DYSF: variants seen among roughly 807,000 people sequenced by gnomAD.
DYSF encodes dystrophy-associated fer-1-like 1.
In DYSF, 212 loss-of-function variants were observed where a neutral mutation model predicts 274.9. The observed-to-expected ratio is 0.77, with a 90% CI of 0.69 to 0.86. The LOEUF is 0.86. DYSF is among the 40% of genes least tolerant of loss of function. DYSF has a pLI of 0.00. For missense variants in DYSF, 2,666 were observed against 2,783.2 expected (o/e 0.96, Z 0.95); for synonymous variants, 1,091 against 1,078.7 (o/e 1.01, Z -0.22).
chr2:71,662,613 CTGTG>C (rs1264185261), intron 45 of DYSF, among the ~76,000 whole-genome samples: 5 of 129,112 alleles, frequency 3.9e-5, no homozygotes, highest in Non-Finnish European at 4.8e-5. Flanking sequence ...CTGTGTGTGT[CTGTG>C]TGTCTGTGTG....
chr2:71,485,924 C>A (rs4266045), intron 3 of DYSF, among the ~76,000 whole-genome samples: 2 of 152,000 alleles, frequency 1.3e-5, no homozygotes, highest in Admixed American at 1.3e-4. Flanking sequence ...AGTGATTCTC[C>A]CATCTCGGCC....
intron 12 of DYSF, among the ~76,000 whole-genome samples, chr2:71,525,610 C>T (rs181992157): frequency 4.6e-5 from 7 of 152,322 alleles, no homozygotes; most frequent in Non-Finnish European, 1.0e-4. Context: ...AGTGCATACA[C>T]ATCAATGCAT....
At position 71,500,217 on chromosome 2, in the gene DYSF, A is replaced by G. The variant is rs181775951; in HGVS notation, c.240-2997A>G. On this transcript the variant is annotated intron_variant, in intron 3 of 55. Transcript: ENST00000410020. Reference sequence around the variant, plus strand: ...TCTGTGACCAACCTCAGACCCCTCTAGCCTCCCAGGGGTCCCTCTTCTGCG... The same window carrying G: ...TCTGTGACCAACCTCAGACCCCTCTGGCCTCCCAGGGGTCCCTCTTCTGCG... Among the ~76,000 whole-genome samples, 308 of 152,188 alleles carry G rather than the reference A, an allele frequency of 2.0e-3. 2 individuals are homozygous for G. In the Middle Eastern group the frequency reaches 0.021, roughly 10 times the overall value.
intron 30 of DYSF, among the ~76,000 whole-genome samples, chr2:71,582,518 G>C (rs2092929906): frequency 6.6e-6 from 1 of 152,190 alleles, no homozygotes; most frequent in Admixed American, 6.5e-5. Flanking sequence ...GGGTTGTGCA[G>C]GGTTTGTAGT....
intron 17 of DYSF, among the ~76,000 whole-genome samples, chr2:71,542,720 C>T (rs1483022386): frequency 6.6e-6 from 1 of 152,160 alleles, no homozygotes; most frequent in Non-Finnish European, 1.5e-5. Flanking sequence ...CATCCCAAGG[C>T]AGAAGAATTT....
chr2:71,579,362 C>T (rs936019110), intron 30 of DYSF, among the ~76,000 whole-genome samples: 1 of 152,170 alleles, frequency 6.6e-6, no homozygotes, highest in African/African-American at 2.4e-5. Flanking sequence ...GCAACGTGTG[C>T]TCAGAGTCTT....
chr2:71,460,369 A>G (rs984698493), intron 1 of DYSF, among the ~76,000 whole-genome samples: 1 of 152,218 alleles, frequency 6.6e-6, no homozygotes, highest in African/African-American at 2.4e-5. Context: ...TTGGTCATCA[A>G]TTAGTCTCCT....
chr2:71,592,104 G>A (rs1450063245), intron 32 of DYSF, among the ~76,000 whole-genome samples: 1 of 152,358 alleles, frequency 6.6e-6, no homozygotes, highest in Non-Finnish European at 1.5e-5. Context: ...AAGGGCGTGA[G>A]AGGTGAGGGT....
chr2:71,553,345 C>G (rs1485149822), intron 20 of DYSF, among the ~76,000 whole-genome samples, 157 bp downstream of exon 20: 1 of 152,192 alleles, frequency 6.6e-6, no homozygotes, highest in Non-Finnish European at 1.5e-5. Flanking sequence ...TGCTCTCCTC[C>G]AGGCAAGGGG....
chr2:71,597,449 C>T (rs1050688705), intron 32 of DYSF, among the ~76,000 whole-genome samples: 22 of 152,188 alleles, frequency 1.4e-4, no homozygotes, highest in Admixed American at 3.9e-4. Flanking sequence ...GCATTGGTTT[C>T]CAAAATGTGG....
intron 38 of DYSF, 51 bp downstream of exon 38, chr2:71,611,677 T>A: frequency 1.3e-6 from 2 of 1,597,090 alleles, no homozygotes; most frequent in South Asian, 1.1e-5. Context: ...GGCTAGAAGT[T>A]CTACATGTCC....
chr2:71,581,752 G>A (rs1255196068), intron 30 of DYSF, among the ~76,000 whole-genome samples: 2 of 152,168 alleles, frequency 1.3e-5, no homozygotes, highest in African/African-American at 4.8e-5. Flanking sequence ...TATCAGGTGG[G>A]AATGCTAAAA....
rs149357145 is a variant in DYSF, at chr2:71,681,052, C to G, written c.6115C>G (p.Arg2039Gly). The change falls in exon 54 of 56, where the codon CGG (arginine) becomes GGG (glycine). Residue 2039 changes from arginine (R) to glycine (G), a missense_variant. Transcript: ENST00000410020. ...TGTAGCAGAGAGTGAGCATGAGGAG[C>G]GGCCTGCTGGCCAGGGCCGGGATGA... Reference protein sequence around the residue: ...EIVAESEHEERPAGQGRDEPN... With the variant: ...EIVAESEHEEGPAGQGRDEPN... 3 of 1,614,048 alleles carry G rather than the reference C, an allele frequency of 1.9e-6. No individual in the cohort carries two copies. In the South Asian group the frequency reaches 3.3e-5, roughly 18 times the overall value.
At chr2:71,486,934 G>C (rs776343746) in intron 3 of DYSF, among the ~76,000 whole-genome samples, 8 of 152,152 alleles carry the variant, frequency 5.3e-5, no homozygotes, top group Non-Finnish European at 8.8e-5. Context: ...TTGACCCGTG[G>C]GATGTTCAGC....
At chr2:71,466,010 T>C (rs538863700), upstream of DYSF, among the ~76,000 whole-genome samples, 2 of 152,084 alleles carry the variant, frequency 1.3e-5, no homozygotes, top group East Asian at 3.9e-4. Context: ...TGAATACAGA[T>C]CTCTGCCTCC....
chr2:71,530,069 G>C (rs1358396373), intron 14 of DYSF, among the ~76,000 whole-genome samples: 1 of 152,164 alleles, frequency 6.6e-6, no homozygotes, highest in South Asian at 2.1e-4. Flanking sequence ...TCATGTGGAG[G>C]TGTAAATGCT....
At chr2:71,535,877 C>G (rs1463350913) in intron 16 of DYSF, among the ~76,000 whole-genome samples, 1 of 152,172 alleles carries the variant, frequency 6.6e-6, no homozygotes, top group Non-Finnish European at 1.5e-5. Flanking sequence ...TACTATACAC[C>G]AAACCTTGTT....
At position 71,615,527 on chromosome 2, in the gene DYSF, T is replaced by C. The variant is rs183773680; in HGVS notation, c.4464+2117T>C. ...TCTGTTCTGCAGGGAGCCCTGGCCC[T>C]CTGGGGAAGCCCCTTTTCTGGTATC... On this transcript the variant is annotated intron_variant, in intron 40 of 55. Transcript: ENST00000410020. This position sits in a 1 kb window ranked among gnomAD's most constrained non-coding sequence, Gnocchi z 4.9. Among the ~76,000 whole-genome samples the C allele has an allele frequency of 1.8e-3, 275 of 152,266 alleles. No individual in the cohort carries two copies. The highest frequency in any genetic ancestry group is 3.1e-3 in the Admixed American group (48 of 15,306).
intron 24 of DYSF, among the ~76,000 whole-genome samples, 199 bp downstream of exon 24, chr2:71,564,412 T>C (rs192680449): frequency 6.6e-6 from 1 of 152,256 alleles, no homozygotes; most frequent in East Asian, 1.9e-4. Flanking sequence ...GCACCTAGTC[T>C]AGGAAGTTAG....
Sources: allele counts gnomAD v4.1 joint callset (sites outside exome capture counted in the v4.1 genomes callset), GRCh38; gene constraint gnomAD v4.1.1; non-coding constraint Gnocchi (gnomAD v3.1); transcripts MANE v1.5; gene names NCBI Gene and HGNC (gene_info 2026-07-23, HGNC 2026-07-21).